The following RNF13 variants were observed in gnomAD, a reference collection of about 807,000 sequenced individuals.
RNF13 encodes the protein ring finger protein 13.
RNF13 carries 19 observed loss-of-function variants against 37.7 expected under a neutral mutation model. The observed-to-expected ratio is 0.50, with a 90% CI of 0.35 to 0.74. RNF13 has a LOEUF of 0.74. RNF13 is among the 30% of genes least tolerant of loss of function. The pLI, the probability that RNF13 is intolerant of heterozygous loss-of-function variation, is 0.01. For synonymous variants in RNF13, 144 were observed against 157.8 expected, an observed-to-expected ratio of 0.91 and a Z score of 0.65; for missense variants, 375 against 453.0, an observed-to-expected ratio of 0.83 and a Z score of 1.56.
chr3:149,893,117 G>T (rs1714888216), intron 4 of RNF13, among the ~76,000 whole-genome samples: 1 of 152,096 alleles, frequency 6.6e-6, no homozygotes, highest in Non-Finnish European at 1.5e-5. Context: ...TGATCCTCAA[G>T]TTCCACATTG....
chr3:149,866,492 TTGTAACCTA>T (rs908247855), intron 3 of RNF13, among the ~76,000 whole-genome samples: 5 of 152,208 alleles, frequency 3.3e-5, no homozygotes, highest in African/African-American at 9.6e-5. Context: ...GACTTCTTTA[TTGTAACCTA>T]TTTTATCAGC....
Position 149,839,615 on chromosome 3 carries a change from T to C in RNF13, c.-16-6396T>C, listed in dbSNP as rs879652784. Reference sequence around the variant, plus strand: ...TTCACATGAGACTTACTCACTCTCATGAGAATAGCATGGGAAAGACCTGCC... The same window carrying C: ...TTCACATGAGACTTACTCACTCTCACGAGAATAGCATGGGAAAGACCTGCC... On this transcript the variant is annotated intron_variant, in intron 1 of 9. Transcript: ENST00000392894. 1.8e-3 allele frequency among the ~76,000 whole-genome samples: 278 copies of C among 151,986 alleles called. 1 individual carries two copies. The highest frequency in any genetic ancestry group is 3.4e-3 in the Middle Eastern group (1 of 294).
At chr3:149,853,455 G>GAGA (rs1723306052) in intron 3 of RNF13, among the ~76,000 whole-genome samples, 3 of 117,262 alleles carry the variant, frequency 2.6e-5, no homozygotes, top group African/African-American at 6.5e-5. Flanking sequence ...AGAGAGAGAG[G>GAGA]GAGAGAGAGA....
rs146873869 is a variant in RNF13 at position 149,888,685 on chromosome 3, T to C, written c.322-6788T>C. Among the ~76,000 whole-genome samples, 378 of 152,332 alleles carry C rather than the reference T, an allele frequency of 2.5e-3. 1 individual carries two copies. The highest frequency in any genetic ancestry group is 8.5e-3 in the African/African-American group (354 of 41,586). On this transcript the variant is annotated intron_variant, in intron 4 of 9. Coordinates refer to ENST00000392894, the MANE Select transcript of RNF13 (RefSeq NM_183381.3). ...TGAATATCCAGACTCCTGTCTAATA[T>C]AATAACTGGATTCTTTTCAAGGTTA...
chr3:149,860,256 TA>T (rs764889596), intron 3 of RNF13, among the ~76,000 whole-genome samples: 1,641 of 57,710 alleles, frequency 0.028, 30 homozygotes, highest in Admixed American at 0.033. Context: ...AGACTCCATC[TA>T]AAAAAAAAAA....
At chr3:149,946,757 A>G (rs184037047) in intron 8 of RNF13, among the ~76,000 whole-genome samples, 2 of 152,066 alleles carry the variant, frequency 1.3e-5, no homozygotes, top group East Asian at 1.9e-4. Context: ...CAGAATACCA[A>G]CTGTTGGTTT....
In RNF13 at chr3:149,895,573, A is replaced by G; in HGVS notation, c.409+13A>G. ...GGATCCAACGACAGTAAGTACAGGT[A>G]TCACTTTTCTTCTCTCCTGTTTGAC... is the stretch of plus-strand genomic sequence containing the variant. On this transcript the variant is annotated intron_variant, in intron 5 of 9. Transcript: ENST00000392894. The G allele has an allele frequency of 6.7e-7, 1 of 1,497,346 alleles. No homozygotes were observed. Among genetic ancestry groups the G allele is most frequent in the Non-Finnish European group, 9.2e-7 (1 of 1,083,498 alleles). The allele number at this position is 1,497,346 out of a possible 1,614,324, so 92.8% of individuals were successfully genotyped here.
intron 5 of RNF13, among the ~76,000 whole-genome samples, chr3:149,899,740 G>A (rs1715630093): frequency 6.6e-6 from 1 of 152,194 alleles, no homozygotes; most frequent in Admixed American, 6.5e-5. Flanking sequence ...GTAAGGGAAA[G>A]GGAGGAGTCA....
intron 8 of RNF13, among the ~76,000 whole-genome samples, chr3:149,928,377 A>G (rs1386167164): frequency 6.6e-6 from 1 of 151,926 alleles, no homozygotes; most frequent in Non-Finnish European, 1.5e-5. Flanking sequence ...CTCCCGGCTT[A>G]TTTTTTTGTA....
At position 149,960,881 on chromosome 3, in the gene RNF13, A is replaced by G. The variant is rs748187210; in HGVS notation, c.923A>G (p.His308Arg). The G allele has an allele frequency of 6.2e-7, 1 of 1,614,218 alleles. No homozygotes were observed. Among genetic ancestry groups the G allele is most frequent in the Non-Finnish European group, 8.5e-7 (1 of 1,180,036 alleles). ...SSQEENEVTE[H>R]TPLLRPLASV... ...CAAGAAGAAAATGAAGTGACAGAAC[A>G]TACCCCTTTACTGAGACCTTTAGCT... The change falls in exon 10 of 10, where the codon CAT becomes CGT. Residue 308 changes from histidine (H) to arginine (R), a missense_variant. Transcript: ENST00000392894.
chr3:149,819,383 T>C (rs1386158243), intron 1 of RNF13, among the ~76,000 whole-genome samples: 2 of 152,218 alleles, frequency 1.3e-5, no homozygotes, highest in South Asian at 2.1e-4. Flanking sequence ...CCATTGCCAT[T>C]ATGTAAAGGA....
At position 149,895,543 on chromosome 3, in the gene RNF13, G is replaced by T; in HGVS notation, c.392G>T (p.Ser131Ile). ...VHNVDSDDLI[S>I]MGSNDIEVLK... ...AATGTTGATTCTGATGACCTCATTA[G>T]CATGGGATCCAACGACAGTAAGTAC... is the stretch of plus-strand genomic sequence containing the variant. Residue 131 changes from serine to isoleucine, a missense_variant, in exon 5 of 10, where the codon AGC (serine) becomes ATC (isoleucine). By Grantham distance (142) the Ser-to-Ile change is moderately radical (BLOSUM62 -2). Coordinates refer to ENST00000392894, the MANE Select transcript of RNF13 (RefSeq NM_183381.3). The T allele has an allele frequency of 6.2e-7, 1 of 1,603,216 alleles. No homozygotes were observed. The highest frequency in any genetic ancestry group is 8.5e-7 in the Non-Finnish European group (1 of 1,172,372).
chr3:149,823,411 A>G (rs1720186855), intron 1 of RNF13, among the ~76,000 whole-genome samples: 1 of 152,212 alleles, frequency 6.6e-6, no homozygotes, highest in South Asian at 2.1e-4. Flanking sequence ...GAGAATCGAT[A>G]CAATGAAATG....
At chr3:149,860,270 A>AAAAATATATATATATATAT (rs1302318768) in intron 3 of RNF13, among the ~76,000 whole-genome samples, 1 of 104,116 alleles carries the variant, frequency 9.6e-6, no homozygotes, top group African/African-American at 4.2e-5. Context: ...AAAAAAAAAA[A>AAAAATATATATATATATAT]ATATATATAT....
chr3:149,837,692 C>G (rs1443607614), intron 1 of RNF13, among the ~76,000 whole-genome samples: 1 of 152,158 alleles, frequency 6.6e-6, no homozygotes, highest in Non-Finnish European at 1.5e-5. Context: ...GAATTACCTC[C>G]TGCCGGGTCC....
chr3:149,939,493 T>A, intron 8 of RNF13: 1 of 575,806 alleles, frequency 1.7e-6, no homozygotes, highest in South Asian at 1.4e-5. Flanking sequence ...TGAAGCACAC[T>A]TCAACCGTAA....
rs1170596644 is a variant in RNF13, at chr3:149,819,237, G to A, written c.-17+5884G>A. ...TGAGCTTCCATTGAATAAGCATCAA[G>A]CTAAATATATACTCTTAGTTAATAA... On this transcript the variant is annotated intron_variant, in intron 1 of 9. Coordinates refer to ENST00000392894, the MANE Select transcript of RNF13 (RefSeq NM_183381.3). Among the ~76,000 whole-genome samples, 3 of 152,232 alleles carry A rather than the reference G, an allele frequency of 2.0e-5. No homozygotes were observed. In the South Asian group the frequency reaches 6.2e-4, roughly 32 times the overall value.
In RNF13 at chr3:149,924,371, T is replaced by G. The variant is rs1718436416; in HGVS notation, c.700+3144T>G. On this transcript the variant is annotated intron_variant, in intron 8 of 9. Coordinates refer to ENST00000392894, the MANE Select transcript of RNF13 (RefSeq NM_183381.3). ...ATTTATATCATTAGACTGGATGAGA[T>G]TACCAAGAGAGTGCGTACAGAGAGA... Among the ~76,000 whole-genome samples the G allele has an allele frequency of 2.0e-5, 3 of 152,024 alleles. No individual in the cohort carries two copies. In the South Asian group the frequency reaches 6.2e-4, roughly 32 times the overall value.
At chr3:149,942,783 TAGAGGG>T (rs982189599) in intron 8 of RNF13, among the ~76,000 whole-genome samples, 81 of 152,316 alleles carry the variant, frequency 5.3e-4, no homozygotes, top group African/African-American at 1.9e-3. Context: ...TTCCTGCTCT[TAGAGGG>T]AAAGTTTCAG....
Sources: gnomAD v4.1 joint callset for allele counts (sites outside exome capture counted in the v4.1 genomes callset) on GRCh38, gnomAD v4.1.1 for gene constraint, MANE v1.5 for transcripts, NCBI Gene and HGNC (gene_info 2026-07-23, HGNC 2026-07-21) for gene names.